The following MCIDAS variants were observed in gnomAD, a reference collection of about 807,000 sequenced individuals.
The protein encoded by MCIDAS is multicilin.
In MCIDAS, 23 loss-of-function variants were observed where a neutral mutation model predicts 35.4. The observed-to-expected ratio is 0.65, with a 90% CI of 0.47 to 0.92. The LOEUF is 0.92. Ranked by LOEUF, MCIDAS falls within the 40% of genes least tolerant of loss-of-function variation. The pLI, the probability that MCIDAS is intolerant of heterozygous loss-of-function variation, is 0.00. For missense variants in MCIDAS, 480 were observed against 531.8 expected (o/e 0.90, Z 0.96); for synonymous variants, 228 against 235.2 (o/e 0.97, Z 0.28).
rs1427610910 is a variant in MCIDAS, at chr5:55,226,655, A to G, written c.230T>C (p.Ile77Thr). 3.3e-6 allele frequency: 5 copies of G among 1,527,860 alleles called. No homozygotes were observed. Among genetic ancestry groups the G allele is most frequent in the Non-Finnish European group, 4.4e-6 (5 of 1,143,170 alleles). 94.6% of individuals were successfully genotyped at this position (1,527,860 alleles called of 1,614,324 possible). The change falls in exon 3 of 7, where the codon ATA becomes ACA. Residue 77 changes from isoleucine (I) to threonine (T), a missense_variant. Transcript: ENST00000513312. ...EPTALPALTT[I>T]DLQDLADCSS... is the part of the protein sequence containing the mutation. ...GCAGTCAGCGAGGTCCTGCAGGTCTATGGTGGTGAGGGCTGCGCGGGGAGA... is the reference window on the plus strand; with the variant it reads ...GCAGTCAGCGAGGTCCTGCAGGTCTGTGGTGGTGAGGGCTGCGCGGGGAGA...
chr5:55,226,952 T>G (rs776626899), intron 1 of MCIDAS, 21 bp from the exon 2 acceptor site: 269 of 1,479,824 alleles, frequency 1.8e-4, no homozygotes, highest in Admixed American at 9.0e-4. Flanking sequence ...ACACAAACGT[T>G]GAACGCGGGT....
chr5:55,222,971 G>A lies in MCIDAS; in HGVS notation c.362C>T (p.Thr121Met), dbSNP rs1246657858. The change falls in exon 4 of 7, where the codon ACG becomes ATG. Residue 121 changes from threonine to methionine, a missense_variant. Thr to Met is a moderately conservative substitution (Grantham distance 81). Transcript: ENST00000513312. Reference sequence around the variant, plus strand: ...CTTGCCTGAAATGAGATCATCCACCGTGTCTCTGAAATCTTGCAGATTGAA... The same window carrying A: ...CTTGCCTGAAATGAGATCATCCACCATGTCTCTGAAATCTTGCAGATTGAA... The part of the protein sequence containing the change: ...ADFNLQDFRD[T>M]VDDLISDSSS... 2 of 1,535,950 alleles carry A rather than the reference G, an allele frequency of 1.3e-6. No individual in the cohort carries two copies. Among genetic ancestry groups the A allele is most frequent in the African/African-American group, 1.4e-5 (1 of 73,036 alleles).
intron 4 of MCIDAS, 37 bp downstream of exon 4, chr5:55,222,914 C>G: frequency 5.9e-6 from 9 of 1,524,050 alleles, no homozygotes; most frequent in Non-Finnish European, 7.9e-6. Context: ...TGGGGGACAC[C>G]CCCGCTGTTA....
intron 6 of MCIDAS, 80 bp downstream of exon 6, chr5:55,220,936 G>A: frequency 6.9e-7 from 1 of 1,457,270 alleles, no homozygotes; most frequent in Non-Finnish European, 9.2e-7. Flanking sequence ...GGCCCCCACG[G>A]GTCCCGATGC....
At position 55,220,824 on chromosome 5, in the gene MCIDAS, G is replaced by A; in HGVS notation, c.718-18C>T. On this transcript the variant is annotated intron_variant, in intron 6 of 6. Transcript: ENST00000513312. ...ATCAGCTTCTACGAAAGACAGGGAA[G>A]AGCGCCGCCCTGGGGCCTGCCGGAC... 6.6e-7 allele frequency: 1 copy of A among 1,517,760 alleles called. No homozygotes were observed. Among genetic ancestry groups the A allele is most frequent in the Non-Finnish European group, 8.8e-7 (1 of 1,134,496 alleles). 94.0% of individuals were successfully genotyped at this position (1,517,760 alleles called of 1,614,324 possible). A position where few individuals can be genotyped will look rare whatever the true frequency, so the allele number is the denominator to read the frequency against.
rs889114106 is a variant in MCIDAS at position 55,223,000 on chromosome 5, T to C, written c.333A>G (p.Ala111=). 3.0e-5 allele frequency: 46 copies of C among 1,536,182 alleles called. No homozygotes were observed. The highest frequency in any genetic ancestry group is 1.2e-5 in the South Asian group (1 of 84,056). ...CTCTGAAATCTTGCAGATTGAAGTC[T>C]GCTTCCGTTTGGTGGGAATGGTTCT... ...ASQNHSHQTE[A]DFNLQDFRDT... The change falls in exon 4 of 7, where the codon GCA becomes GCG. Residue 111 remains alanine (A), a synonymous_variant. Transcript: ENST00000513312.
In MCIDAS at chr5:55,227,019, C is replaced by A. The variant is rs1191574964; in HGVS notation, c.120G>T (p.Lys40Asn). The change falls in exon 1 of 7, where the codon AAG (lysine) becomes AAT (asparagine). Residue 40 changes from lysine to asparagine, a missense_variant and splice_region_variant. Coordinates refer to ENST00000513312, the MANE Select transcript of MCIDAS (RefSeq NM_001190787.3). ...GCCCGGCCCGAATCAACCGCCCCACCTTCCTCTCCGGCTTCCCCGGCTTGC... is the reference window on the plus strand; with the variant it reads ...GCCCGGCCCGAATCAACCGCCCCACATTCCTCTCCGGCTTCCCCGGCTTGC... ...LLCKPGKPER[K>N]FAPPRKFFPG... 3.3e-6 allele frequency: 5 copies of A among 1,520,322 alleles called. No homozygotes were observed. The highest frequency in any genetic ancestry group is 1.4e-5 in the African/African-American group (1 of 70,434). The allele number at this position is 1,520,322 out of a possible 1,614,324, so 94.2% of individuals were successfully genotyped here. A position where few individuals can be genotyped will look rare whatever the true frequency, so the allele number is the denominator to read the frequency against.
intron 3 of MCIDAS, among the ~76,000 whole-genome samples, chr5:55,225,708 C>A (rs895455702): frequency 3.9e-5 from 6 of 152,204 alleles, no homozygotes; most frequent in African/African-American, 1.4e-4. Context: ...CTGCAAACCC[C>A]AGACCTATTG....
Position 55,220,357 on chromosome 5 carries a change from C to T in MCIDAS, c.*9G>A, listed in dbSNP as rs960800093. ...CACAGGGCAGTGTTTTGGGGGACCA[C>T]ATCACAGCTCAACTGGGGACCCAGC... On this transcript the variant is annotated 3_prime_UTR_variant, in exon 7 of 7. Coordinates refer to ENST00000513312, the MANE Select transcript of MCIDAS (RefSeq NM_001190787.3). 5 of 1,528,962 alleles carry T rather than the reference C, an allele frequency of 3.3e-6. No individual in the cohort carries two copies. The African/African-American group carries it at 5.5e-5, about 17-fold the overall frequency. The allele number at this position is 1,528,962 out of a possible 1,614,324, so 94.7% of individuals were successfully genotyped here. A position where few individuals can be genotyped will look rare whatever the true frequency, so the allele number is the denominator to read the frequency against.
At chr5:55,226,982 C>T (rs933685285) in intron 1 of MCIDAS, 37 bp downstream of exon 1, 3 of 1,505,714 alleles carry the variant, frequency 2.0e-6, no homozygotes, top group African/African-American at 2.9e-5. Flanking sequence ...GGGCACCGAG[C>T]GCGCAGACCC....
At position 55,227,106 on chromosome 5, in the gene MCIDAS, A is replaced by T. The variant is rs1402894777; in HGVS notation, c.33T>A (p.Arg11=). 6.7e-7 allele frequency: 1 copy of T among 1,489,628 alleles called. No individual in the cohort carries two copies. The highest frequency in any genetic ancestry group is 8.9e-7 in the Non-Finnish European group (1 of 1,127,550). The allele number at this position is 1,489,628 out of a possible 1,614,324, so 92.3% of individuals were successfully genotyped here. Residue 11 remains arginine (R), a synonymous_variant, in exon 1 of 7, where the codon CGT becomes CGA. Coordinates refer to ENST00000513312, the MANE Select transcript of MCIDAS (RefSeq NM_001190787.3). MQACGGGAAG[R]RAFDSICPNR... is the part of the protein sequence containing the mutation. ...TGGGGCAGATGCTGTCGAAGGCCCG[A>T]CGGCCGGCCGCGCCGCCCCCGCACG...
intron 3 of MCIDAS, among the ~76,000 whole-genome samples, chr5:55,226,035 A>G (rs1395243199): frequency 6.6e-6 from 1 of 152,206 alleles, no homozygotes; most frequent in African/African-American, 2.4e-5. Context: ...GTCTCTGCAG[A>G]GAAGAACATT....
At position 55,226,938 on chromosome 5, in the gene MCIDAS, G is replaced by C. The variant is rs557532764; in HGVS notation, c.121-7C>G. ...ACTTCCGCGGAGGAGCGAACTGGCC[G>C]GGCACACAAACGTTGAACGCGGGTC... is the stretch of plus-strand genomic sequence containing the variant. On this transcript the variant is annotated splice_polypyrimidine_tract_variant and splice_region_variant and intron_variant, in intron 1 of 6. Coordinates refer to ENST00000513312, the MANE Select transcript of MCIDAS (RefSeq NM_001190787.3). 3.4e-6 allele frequency: 5 copies of C among 1,460,914 alleles called. No individual in the cohort carries two copies. The Admixed American group carries it at 7.5e-5, about 22-fold the overall frequency. 90.5% of individuals were successfully genotyped at this position (1,460,914 alleles called of 1,614,324 possible).
intron 4 of MCIDAS, 101 bp from the exon 5 acceptor site, chr5:55,222,500 T>C: frequency 9.8e-7 from 1 of 1,017,162 alleles, no homozygotes; most frequent in Middle Eastern, 3.0e-4. Flanking sequence ...TAGAGATTTT[T>C]CTTTATTAAA....
At chr5:55,222,056 A>T in intron 5 of MCIDAS, 120 bp downstream of exon 5, 1 of 897,756 alleles carries the variant, frequency 1.1e-6, no homozygotes, top group Non-Finnish European at 1.7e-6. Flanking sequence ...TACGTGAACC[A>T]CCAGTCAGTC....
At chr5:55,222,924 A>AT in intron 4 of MCIDAS, 27 bp downstream of exon 4, 1 of 1,533,582 alleles carries the variant, frequency 6.5e-7, no homozygotes, top group African/African-American at 1.4e-5. Context: ...CCCCGCTGTT[A>AT]TTTAACTGCC....
Position 55,220,733 on chromosome 5 carries a change from C to G in MCIDAS, c.791G>C (p.Arg264Thr), listed in dbSNP as rs1349611690. ...AGCGCTGACCAACTCCTCCAGGCTCCTTTTGGCCTTCGCCTTGAGCAGGAA... is the reference window on the plus strand; with the variant it reads ...AGCGCTGACCAACTCCTCCAGGCTCGTTTTGGCCTTCGCCTTGAGCAGGAA... ...EPFLLKAKAK[R>T]SLEELVSAAG... The change falls in exon 7 of 7, where the codon AGG becomes ACG. Residue 264 changes from arginine to threonine, a missense_variant. Transcript: ENST00000513312. 6.5e-7 allele frequency: 1 copy of G among 1,535,854 alleles called. No individual in the cohort carries two copies. The highest frequency in any genetic ancestry group is 8.7e-7 in the Non-Finnish European group (1 of 1,146,640).
At chr5:55,222,031 C>T (rs1326410806) in intron 5 of MCIDAS, 145 bp downstream of exon 5, 2 of 625,680 alleles carry the variant, frequency 3.2e-6, no homozygotes, top group Admixed American at 3.0e-5. Flanking sequence ...GTGGAGCCAC[C>T]GGAGCAATGG....
At chr5:55,225,502 T>C (rs1229597572) in intron 3 of MCIDAS, among the ~76,000 whole-genome samples, 1 of 152,226 alleles carries the variant, frequency 6.6e-6, no homozygotes, top group Admixed American at 6.5e-5. Flanking sequence ...AACAATTAAA[T>C]GTCCTCTGCA....
Sources: allele counts gnomAD v4.1 joint callset (sites outside exome capture counted in the v4.1 genomes callset), GRCh38; gene constraint gnomAD v4.1.1; transcripts MANE v1.5; gene names NCBI Gene and HGNC (gene_info 2026-07-23, HGNC 2026-07-21).